Variants in DIP2C observed in about 807,000 individuals in gnomAD.
The protein encoded by DIP2C is disco-interacting protein 2 homolog C.
Under a neutral mutation model 192.4 loss-of-function variants are expected in DIP2C, and 33 were observed. That is an observed-to-expected ratio of 0.17 (90% CI 0.13 to 0.23). DIP2C has a LOEUF of 0.23. DIP2C is among the 10% of genes least tolerant of loss of function. The pLI is 1.00. For missense variants in DIP2C, 1,537 were observed against 2,110.1 expected (o/e 0.73, Z 5.32); for synonymous variants, 979 against 864.1 (o/e 1.13, Z -2.33).
chr10:615,706 T>C (rs781647259), intron 1 of DIP2C, among the ~76,000 whole-genome samples: 7 of 152,076 alleles, frequency 4.6e-5, no homozygotes, highest in Non-Finnish European at 1.0e-4. Flanking sequence ...CCATGCCTCA[T>C]CCATGGCAAC....
intron 3 of DIP2C, among the ~76,000 whole-genome samples, chr10:448,052 G>A (rs1210018621): frequency 2.3e-5 from 3 of 133,098 alleles, no homozygotes; most frequent in Non-Finnish European, 4.6e-5. Flanking sequence ...CAGTAGGGCA[G>A]CAGGACCCAC....
At chr10:451,002 G>C (rs952929647) in intron 3 of DIP2C, among the ~76,000 whole-genome samples, 2 of 152,146 alleles carry the variant, frequency 1.3e-5, no homozygotes, top group African/African-American at 4.8e-5. Context: ...TAACGGCATC[G>C]TCTAAATTCA....
At chr10:521,125 A>G (rs1846680683) in intron 1 of DIP2C, among the ~76,000 whole-genome samples, 2 of 152,334 alleles carry the variant, frequency 1.3e-5, no homozygotes, top group South Asian at 4.2e-4. Context: ...CATTTTCACA[A>G]ATCTTTGAAC....
At chr10:414,852 TTGTGTG>T (rs748231177) in intron 7 of DIP2C, among the ~76,000 whole-genome samples, 11,491 of 98,482 alleles carry the variant, frequency 0.12, 780 homozygotes, top group East Asian at 0.17. Context: ...ACATATATAT[TTGTGTG>T]TGTGTGTGTG....
chr10:529,851 C>T (rs893223230), intron 1 of DIP2C, among the ~76,000 whole-genome samples: 2 of 152,216 alleles, frequency 1.3e-5, no homozygotes, highest in Non-Finnish European at 2.9e-5. Flanking sequence ...GCGATCATGG[C>T]TCATCGCGGC....
chr10:310,390 C>T (rs1427161241), intron 31 of DIP2C, among the ~76,000 whole-genome samples: 10 of 152,198 alleles, frequency 6.6e-5, no homozygotes. Context: ...AGGCTGAAAA[C>T]TGCCAAGACG....
intron 2 of DIP2C, among the ~76,000 whole-genome samples, chr10:482,297 C>CAG (rs1397915009): frequency 2.0e-5 from 3 of 152,174 alleles, no homozygotes; most frequent in Non-Finnish European, 1.5e-5. Flanking sequence ...TGCAAGCCTG[C>CAG]AGGCCAGAGG....
chr10:456,508 G>A lies in DIP2C; in HGVS notation c.269-15512C>T, dbSNP rs988606725. 1.1e-4 allele frequency among the ~76,000 whole-genome samples: 16 copies of A among 152,182 alleles called. No homozygotes were observed. In the East Asian group the frequency reaches 1.2e-3, roughly 11 times the overall value. On this transcript the variant is annotated intron_variant, in intron 3 of 36. Transcript: ENST00000280886. Reference sequence around the variant, plus strand: ...GTGACTGAATCAAAGCACTCACAGCGGAGCTGCCTCCTGGTGATTAAAACA... The same window carrying A: ...GTGACTGAATCAAAGCACTCACAGCAGAGCTGCCTCCTGGTGATTAAAACA...
chr10:427,612 T>C (rs535426141), intron 4 of DIP2C, among the ~76,000 whole-genome samples: 2 of 152,184 alleles, frequency 1.3e-5, no homozygotes, highest in Admixed American at 6.5e-5. Context: ...AATTAACATA[T>C]ACAAATAGCT....
chr10:531,007 G>T (rs1847336463), intron 1 of DIP2C, among the ~76,000 whole-genome samples: 1 of 152,200 alleles, frequency 6.6e-6, no homozygotes, highest in Non-Finnish European at 1.5e-5. Context: ...GGACAGAAGG[G>T]CGTCGTGAGC....
At chr10:290,561 C>A (rs1267531586) in intron 32 of DIP2C, among the ~76,000 whole-genome samples, 1 of 152,220 alleles carries the variant, frequency 6.6e-6, no homozygotes, top group Admixed American at 6.5e-5. Flanking sequence ...GCCAGGAGGC[C>A]CGCAGATGTG....
intron 1 of DIP2C, among the ~76,000 whole-genome samples, chr10:579,112 T>C (rs529309650): frequency 8.3e-4 from 126 of 152,140 alleles, no homozygotes; most frequent in African/African-American, 3.0e-3. Flanking sequence ...GTAGTGTAGG[T>C]ACATAGGTAC....
At chr10:347,518 A>G (rs1403451337) in intron 26 of DIP2C, among the ~76,000 whole-genome samples, 2 of 115,114 alleles carry the variant, frequency 1.7e-5, no homozygotes, top group African/African-American at 3.5e-5. Context: ...TCTCCCGGAA[A>G]CCCCACACGC....
chr10:307,595 G>C (rs1368743889), intron 32 of DIP2C, among the ~76,000 whole-genome samples: 2 of 152,150 alleles, frequency 1.3e-5, no homozygotes, highest in Admixed American at 6.5e-5. Context: ...CTGCAGTGGG[G>C]GGGTAAGGGA....
intron 1 of DIP2C, among the ~76,000 whole-genome samples, chr10:565,354 T>TTAAAAAAAAAAAAAAAAAAAAAAAAAAA (rs1554737793): frequency 8.8e-6 from 1 of 114,136 alleles, no homozygotes; most frequent in African/African-American, 3.8e-5. Context: ...ACCTGCATTC[T>TTAAAAAAAAAAAAAAAAAAAAAAAAAAA]AAAAAAAAAA....
At chr10:470,319 C>T (rs927800235) in intron 3 of DIP2C, among the ~76,000 whole-genome samples, 9 of 152,212 alleles carry the variant, frequency 5.9e-5, no homozygotes, top group Non-Finnish European at 8.8e-5. Context: ...ATGAACCGTG[C>T]TTCTCACGTT....
intron 9 of DIP2C, among the ~76,000 whole-genome samples, chr10:405,382 A>G (rs1363139492): frequency 6.6e-6 from 1 of 152,270 alleles, no homozygotes; most frequent in East Asian, 1.9e-4. Context: ...GAAATGTGGT[A>G]TAACAAAGTT....
chr10:284,147 T>A (rs555761881), intron 34 of DIP2C, among the ~76,000 whole-genome samples: 2 of 152,192 alleles, frequency 1.3e-5, no homozygotes, highest in East Asian at 1.9e-4. Flanking sequence ...CTCTGGAGTG[T>A]TTGCTGTGGA....
intron 2 of DIP2C, among the ~76,000 whole-genome samples, chr10:477,865 C>CAGAGAGAAGAAAACG (rs901822078): frequency 6.3e-5 from 7 of 110,746 alleles, no homozygotes; most frequent in East Asian, 2.6e-4. Context: ...GTGAAGGAAG[C>CAGAGAGAAGAAAACG]AGAGAGAAGA....
Sources: gnomAD v4.1 joint callset for allele counts (sites outside exome capture counted in the v4.1 genomes callset) on GRCh38, gnomAD v4.1.1 for gene constraint, MANE v1.5 for transcripts, NCBI Gene and HGNC (gene_info 2026-07-23, HGNC 2026-07-21) for gene names.